The following PARP16 variants were observed in gnomAD, a reference collection of about 807,000 sequenced individuals.
The protein encoded by PARP16 is poly(ADP-ribose) polymerase family member 16.
PARP16 carries 31 observed loss-of-function variants against 35.0 expected under a neutral mutation model. The observed-to-expected ratio is 0.88, with a 90% CI of 0.66 to 1.19. The LOEUF (loss-of-function observed/expected upper bound fraction) is 1.19. Among genes scored for constraint, PARP16 ranks in the 50% most tolerant of loss-of-function variants. PARP16 has a pLI of 0.00. For synonymous variants in PARP16, 162 were observed against 169.5 expected (o/e 0.96, Z 0.34); for missense variants, 424 against 411.2 (o/e 1.03, Z -0.27).
At chr15:65,239,955 C>CTTTT (rs367808430) in intron 3 of PARP16, among the ~76,000 whole-genome samples, 1,175 of 81,694 alleles carry the variant, frequency 0.014, 88 homozygotes, top group African/African-American at 0.017. Flanking sequence ...CGCGTCTGAC[C>CTTTT]TTTTTTTTTT....
chr15:65,262,952 G>A (rs1423724590), intron 4 of PARP16, among the ~76,000 whole-genome samples, 197 bp downstream of exon 4: 2 of 152,064 alleles, frequency 1.3e-5, no homozygotes, highest in African/African-American at 2.4e-5. Flanking sequence ...CTACCCCCTT[G>A]TAGTGAATGG....
At position 65,259,307 on chromosome 15, in the gene PARP16, C is replaced by T. The variant is rs2089620858; in HGVS notation, c.*100G>A. 1 of 1,195,914 alleles carries T rather than the reference C, an allele frequency of 8.4e-7. No homozygotes were observed. Among genetic ancestry groups the T allele is most frequent in the Admixed American group, 1.9e-5 (1 of 52,772 alleles). 74.1% of individuals were successfully genotyped at this position (1,195,914 alleles called of 1,614,324 possible). ...AATTGTCCTGTGGTCCCCCAACTGG[C>T]CCCTAGGCTCAACCTGGCTGGACAT... On this transcript the variant is annotated 3_prime_UTR_variant, in exon 6 of 6. Transcript: ENST00000649807.
At chr15:65,244,530 C>T (rs537657293) in intron 3 of PARP16, among the ~76,000 whole-genome samples, 5 of 152,212 alleles carry the variant, frequency 3.3e-5, no homozygotes, top group South Asian at 2.1e-4. Context: ...GAGAGCAGCA[C>T]GGGAAAGACC....
At chr15:65,256,924 G>A (rs1408843445), downstream of PARP16, among the ~76,000 whole-genome samples, 2 of 152,270 alleles carry the variant, frequency 1.3e-5, no homozygotes, top group East Asian at 1.9e-4. Context: ...TGTGATTGAC[G>A]CTGAAATCAG....
chr15:65,281,913 T>C (rs555706145), intron 1 of PARP16, among the ~76,000 whole-genome samples: 1 of 152,362 alleles, frequency 6.6e-6, no homozygotes, highest in South Asian at 2.1e-4. Context: ...CCTTGTGTTA[T>C]AGGTGTGTAA....
chr15:65,269,644 A>C (rs2090031399), intron 2 of PARP16, among the ~76,000 whole-genome samples: 1 of 152,208 alleles, frequency 6.6e-6, no homozygotes, highest in Admixed American at 6.5e-5. Context: ...ACTGTTCTTC[A>C]TTCTGAAGTC....
chr15:65,242,951 G>C (rs960244993), intron 3 of PARP16, among the ~76,000 whole-genome samples: 5 of 152,142 alleles, frequency 3.3e-5, no homozygotes, highest in Admixed American at 6.6e-5. Flanking sequence ...CTGACCTCAG[G>C]TGATCCGCCC....
intron 2 of PARP16, among the ~76,000 whole-genome samples, chr15:65,270,463 G>C (rs542241637): frequency 2.9e-4 from 44 of 152,296 alleles, no homozygotes; most frequent in African/African-American, 1.0e-3. Context: ...CCTGATAACT[G>C]AACTAGGTCA....
At chr15:65,255,692 T>G (rs1358783119), downstream of PARP16, among the ~76,000 whole-genome samples, 1 of 145,658 alleles carries the variant, frequency 6.9e-6, no homozygotes, top group Non-Finnish European at 1.5e-5. Flanking sequence ...TTCTTCTTTT[T>G]GCAGGGAGGG....
intron 1 of PARP16, among the ~76,000 whole-genome samples, chr15:65,274,657 C>G (rs73468773): frequency 0.053 from 8,022 of 151,962 alleles, 325 homozygotes; most frequent in African/African-American, 0.11. Flanking sequence ...TACTGTTCCA[C>G]GCCACCTGCT....
chr15:65,262,953 T>C (rs1172658550), intron 4 of PARP16, among the ~76,000 whole-genome samples, 196 bp downstream of exon 4: 1 of 152,072 alleles, frequency 6.6e-6, no homozygotes, highest in Admixed American at 6.5e-5. Flanking sequence ...TACCCCCTTG[T>C]AGTGAATGGT....
chr15:65,275,687 C>T (rs1395242496), intron 1 of PARP16, among the ~76,000 whole-genome samples: 3 of 152,150 alleles, frequency 2.0e-5, no homozygotes, highest in Non-Finnish European at 2.9e-5. Flanking sequence ...CTGTACTCCA[C>T]TTGGGAACCC....
chr15:65,230,923 C>G (rs2088773436), downstream of PARP16, among the ~76,000 whole-genome samples: 1 of 111,138 alleles, frequency 9.0e-6, no homozygotes, highest in Non-Finnish European at 1.7e-5. Flanking sequence ...GAGTCTTGCT[C>G]TGTCACCTGG....
At chr15:65,270,676 G>A (rs1319425415) in intron 2 of PARP16, among the ~76,000 whole-genome samples, 1 of 152,064 alleles carries the variant, frequency 6.6e-6, no homozygotes, top group East Asian at 1.9e-4. Context: ...GGAAGCGGAG[G>A]GACTGAAATG....
downstream of PARP16, among the ~76,000 whole-genome samples, chr15:65,256,170 G>A (rs2089503508): frequency 6.6e-6 from 1 of 151,974 alleles, no homozygotes. Flanking sequence ...CACTACTACT[G>A]TCTCCTTTGC....
intron 3 of PARP16, among the ~76,000 whole-genome samples, chr15:65,239,665 T>C (rs1169210857): frequency 6.7e-6 from 1 of 149,094 alleles, no homozygotes; most frequent in Non-Finnish European, 1.5e-5. Flanking sequence ...TTTTCTTTTT[T>C]TTTTTTTTTG....
chr15:65,249,852 G>A (rs938151387), intron 2 of PARP16, among the ~76,000 whole-genome samples: 2 of 152,206 alleles, frequency 1.3e-5, no homozygotes, highest in African/African-American at 2.4e-5. Flanking sequence ...TGCAATGATG[G>A]GGCTGGGAAG....
chr15:65,260,179 G>C (rs548444913), intron 5 of PARP16, among the ~76,000 whole-genome samples: 51 of 152,214 alleles, frequency 3.4e-4, no homozygotes, highest in Non-Finnish European at 2.9e-5. Flanking sequence ...GGAAACCACT[G>C]GTGTGTACAA....
chr15:65,278,097 G>A (rs537371184), intron 1 of PARP16, among the ~76,000 whole-genome samples: 24 of 152,300 alleles, frequency 1.6e-4, no homozygotes, highest in Non-Finnish European at 2.8e-4. Flanking sequence ...AGCAGAGTGT[G>A]TCCCAAAAAG....
Sources: allele counts gnomAD v4.1 joint callset (sites outside exome capture counted in the v4.1 genomes callset), GRCh38; gene constraint gnomAD v4.1.1; transcripts MANE v1.5; gene names NCBI Gene and HGNC (gene_info 2026-07-23, HGNC 2026-07-21).